The following DNAAF2 variants were observed in gnomAD, a reference collection of about 807,000 sequenced individuals.
DNAAF2 encodes dynein axonemal assembly factor 2, also known as protein kintoun.
Under a neutral mutation model 48.8 loss-of-function variants are expected in DNAAF2, and 58 were observed. The observed-to-expected ratio is 1.19, with a 90% CI of 0.96 to 1.48. The LOEUF (loss-of-function observed/expected upper bound fraction) is 1.48. Among genes scored for constraint, DNAAF2 ranks in the 40% most tolerant of loss-of-function variants. The pLI is 0.00. For missense variants in DNAAF2, 1,241 were observed against 1,116.1 expected (o/e 1.11, Z -1.59); for synonymous variants, 567 against 481.2 (o/e 1.18, Z -2.33).
In DNAAF2 at chr14:49,634,086, C is replaced by T. The variant is rs1297175432; in HGVS notation, c.1064G>A (p.Arg355Gln). The change falls in exon 1 of 3, where the codon CGG (arginine) becomes CAG (glutamine). Residue 355 changes from arginine to glutamine, a missense_variant. Transcript: ENST00000298292. ...GGCGGCGACGGCGACAGCGGGCTCC[C>T]GGCGCGCGGCCGGCAGCACCACTGG... Reference protein sequence around the residue: ...TLPVVLPAARREPAVAVAAAA... With the variant: ...TLPVVLPAARQEPAVAVAAAA... 3 of 1,540,054 alleles carry T rather than the reference C, an allele frequency of 1.9e-6. No homozygotes were observed. The highest frequency in any genetic ancestry group is 2.0e-5 in the Admixed American group (1 of 50,350).
In DNAAF2 at chr14:49,633,403, T is replaced by A. The variant is rs532320730; in HGVS notation, c.1747A>T (p.Thr583Ser). 3 of 1,614,068 alleles carry A rather than the reference T, an allele frequency of 1.9e-6. No individual in the cohort carries two copies. The African/African-American group carries it at 4.0e-5, about 22-fold the overall frequency. Residue 583 changes from threonine to serine, a missense_variant, in exon 1 of 3, where the codon ACA becomes TCA. Physicochemically the swap from Thr to Ser is moderately conservative, Grantham distance 58. Coordinates refer to ENST00000298292, the MANE Select transcript of DNAAF2 (RefSeq NM_018139.3). ...GAAGAAATGCTAATCACAGGTTCTG[T>A]GGTACTCAATTTATTCTCTGGAGCA... ...QFAPENKLSTTEPVISISSNN... is the reference protein window; with the variant it reads ...QFAPENKLSTSEPVISISSNN...
Position 49,634,359 on chromosome 14 carries a change from T to A in DNAAF2, c.791A>T (p.Asp264Val). The change falls in exon 1 of 3, where the codon GAC (aspartate) becomes GTC (valine). Residue 264 changes from aspartate to valine, a missense_variant. Transcript: ENST00000298292. Reference sequence around the variant, plus strand: ...CCTGGAGCAGCGGTAATCCTGGAGGTCCACGTGGTGGCGCTGCACCACGCT... The same window carrying A: ...CCTGGAGCAGCGGTAATCCTGGAGGACCACGTGGTGGCGCTGCACCACGCT... ...RYSVVQRHHV[D>V]LQDYRCSRDS... is the part of the protein sequence containing the mutation. 6.2e-7 allele frequency: 1 copy of A among 1,607,786 alleles called. No individual in the cohort carries two copies.
intron 1 of DNAAF2, among the ~76,000 whole-genome samples, chr14:49,628,861 A>T (rs1273032031): frequency 1.3e-5 from 2 of 152,262 alleles, no homozygotes; most frequent in Non-Finnish European, 2.9e-5. Context: ...GTGGCTAAGA[A>T]ATATACATGA....
At chr14:49,631,534 A>G (rs1227307723) in intron 1 of DNAAF2, among the ~76,000 whole-genome samples, 1 of 152,126 alleles carries the variant, frequency 6.6e-6, no homozygotes, top group South Asian at 2.1e-4. Flanking sequence ...CTGAGGCAGG[A>G]GAATGGCGTG....
intron 2 of DNAAF2, among the ~76,000 whole-genome samples, chr14:49,627,407 G>A (rs1883036316): frequency 6.6e-6 from 1 of 152,158 alleles, no homozygotes; most frequent in South Asian, 2.1e-4. Context: ...TAGTTCTCAT[G>A]GTTTGAGAGT....
intron 1 of DNAAF2, among the ~76,000 whole-genome samples, chr14:49,630,242 T>TAAATAAATAAAA (rs1883117964): frequency 6.6e-6 from 1 of 150,986 alleles, no homozygotes; most frequent in Non-Finnish European, 1.5e-5. Context: ...CCCAAATAAA[T>TAAATAAATAAAA]AAATAAATAA....
Position 49,632,361 on chromosome 14 carries a change from G to T in DNAAF2, c.1863+926C>A, listed in dbSNP as rs185553960. On this transcript the variant is annotated intron_variant, in intron 1 of 2. Transcript: ENST00000298292. ...GATACCCAACTCAAAAATTACACAT[G>T]TAACTTCCTAGCAAATTTCTAGAAA... Among the ~76,000 whole-genome samples, 27 of 152,126 alleles carry T rather than the reference G, an allele frequency of 1.8e-4. No individual in the cohort carries two copies. The East Asian group carries it at 5.0e-3, about 28-fold the overall frequency.
chr14:49,632,412 G>A (rs536581707), intron 1 of DNAAF2, among the ~76,000 whole-genome samples: 67 of 151,192 alleles, frequency 4.4e-4, no homozygotes, highest in African/African-American at 1.6e-3. Context: ...AAATTTTCTC[G>A]TAAGTTAAAG....
chr14:49,634,257 G>A lies in DNAAF2; in HGVS notation c.893C>T (p.Ala298Val), dbSNP rs1348700029. The A allele has an allele frequency of 3.1e-6, 5 of 1,612,244 alleles. No individual in the cohort carries two copies. The highest frequency in any genetic ancestry group is 3.3e-5 in the Admixed American group (2 of 60,026). ...CAGCTTTCTCGTTACCTCCAGCGCCGCCTGCTCGGCCGAGCGCAACAGCGG... is the reference window on the plus strand; with the variant it reads ...CAGCTTTCTCGTTACCTCCAGCGCCACCTGCTCGGCCGAGCGCAACAGCGG... ...ELPLLRSAEQ[A>V]ALEVTRKLLC... is the part of the protein sequence containing the mutation. The change falls in exon 1 of 3, where the codon GCG becomes GTG. Residue 298 changes from alanine to valine, a missense_variant. Transcript: ENST00000298292.
At chr14:49,626,799 C>CTTTTTTTTT (rs34085502) in intron 2 of DNAAF2, among the ~76,000 whole-genome samples, 17 of 63,406 alleles carry the variant, frequency 2.7e-4, no homozygotes, top group African/African-American at 2.8e-4. Flanking sequence ...TGCTGCCAGT[C>CTTTTTTTTT]TTTTTTTTTT....
chr14:49,633,329 A>G lies in DNAAF2; in HGVS notation c.1821T>C (p.His607=), dbSNP rs1883213868. Residue 607 remains histidine (H), a synonymous_variant, in exon 1 of 3, where the codon CAT becomes CAC. Coordinates refer to ENST00000298292, the MANE Select transcript of DNAAF2 (RefSeq NM_018139.3). ...TTACACCATAATACCACTCTCTCCA[A>G]TGTCCATGGCTCTCTGGAGATTTTG... ...ELAKSPESHG[H]WREWYYGVNN... The G allele has an allele frequency of 1.9e-6, 3 of 1,614,010 alleles. No homozygotes were observed. The highest frequency in any genetic ancestry group is 2.2e-5 in the South Asian group (2 of 91,084).
Position 49,634,872 on chromosome 14 carries a change from C to T in DNAAF2, c.278G>A (p.Cys93Tyr), listed in dbSNP as rs904534333. The T allele has an allele frequency of 7.7e-6, 12 of 1,548,498 alleles. No homozygotes were observed. Among genetic ancestry groups the T allele is most frequent in the African/African-American group, 4.1e-5 (3 of 73,052 alleles). The change falls in exon 1 of 3, where the codon TGC becomes TAC. Residue 93 changes from cysteine to tyrosine, a missense_variant. Transcript: ENST00000298292. ...DGARRCFVNV[C>Y]SNALVGAPSS... ...GGGCGCGCCCACCAACGCGTTGCTG[C>T]AGACATTCACAAAGCAGCGCCGCGC...
In DNAAF2 at chr14:49,625,179, G is replaced by T. The variant is rs1882966250; in HGVS notation, c.*363C>A. ...ACTTTGTGTGACAAACACAATTAGT[G>T]AATATTTTTAAATTTTATTAATGAC... On this transcript the variant is annotated 3_prime_UTR_variant, in exon 3 of 3. Coordinates refer to ENST00000298292, the MANE Select transcript of DNAAF2 (RefSeq NM_018139.3). 1 of 153,754 alleles carries T rather than the reference G, an allele frequency of 6.5e-6. No homozygotes were observed. Among genetic ancestry groups the T allele is most frequent in the South Asian group, 2.0e-4 (1 of 4,886 alleles). 9.5% of individuals were successfully genotyped at this position (153,754 alleles called of 1,614,324 possible). A position where few individuals can be genotyped will look rare whatever the true frequency, so the allele number is the denominator to read the frequency against.
chr14:49,628,222 C>T, intron 1 of DNAAF2, 67 bp from the exon 2 acceptor site: 3 of 1,321,390 alleles, frequency 2.3e-6, no homozygotes, highest in Non-Finnish European at 3.1e-6. Flanking sequence ...TATCTCAAAG[C>T]AGCTCACAAA....
intron 1 of DNAAF2, among the ~76,000 whole-genome samples, chr14:49,628,962 T>C (rs1254051007): frequency 6.6e-6 from 1 of 151,964 alleles, no homozygotes; most frequent in Non-Finnish European, 1.5e-5. Context: ...GGTGTGTTTT[T>C]TTGTTTGATT....
chr14:49,630,669 C>CCACACACACACACACA (rs71441237), intron 1 of DNAAF2, among the ~76,000 whole-genome samples: 3,907 of 132,404 alleles, frequency 0.03, 99 homozygotes, highest in Admixed American at 0.04. Flanking sequence ...AACTCTCTCT[C>CCACACACACACACACA]CACACACACA....
In DNAAF2 at chr14:49,634,667, G is replaced by A; in HGVS notation, c.483C>T (p.Arg161=). The A allele has an allele frequency of 6.2e-7, 1 of 1,606,666 alleles. No individual in the cohort carries two copies. The highest frequency in any genetic ancestry group is 1.7e-5 in the Admixed American group (1 of 60,012). The change falls in exon 1 of 3, where the codon CGC becomes CGT. Residue 161 remains arginine, a synonymous_variant. Transcript: ENST00000298292. ...LALARRHEGF[R]QMLDATALEA... ...CCAGGGCCGTGGCGTCCAGCATCTG[G>A]CGGAAGCCCTCGTGCCGCCGGGCCA...
chr14:49,634,430 G>T lies in DNAAF2; in HGVS notation c.720C>A (p.Ser240=). Residue 240 remains serine, a synonymous_variant, in exon 1 of 3, where the codon TCC becomes TCA. Transcript: ENST00000298292. ...CGGGCTGCAAGGCCGCTTCCGGAGG[G>T]GAGGGCGCCCGGGGCCCGGGGGCTG... The part of the protein sequence containing the change: ...YPAAPGPRAP[S]PPEAALQPAP... 1.3e-6 allele frequency: 2 copies of T among 1,565,498 alleles called. No homozygotes were observed. The highest frequency in any genetic ancestry group is 2.7e-5 in the African/African-American group (2 of 73,966).
rs1037450360 is a variant in DNAAF2, at chr14:49,627,713, G to A, written c.2007+299C>T. ...TACTAAAAATACAAAAAATTAGCCA[G>A]GCATGGTAGCATGCTCCTGTAGTCC... On this transcript the variant is annotated intron_variant, in intron 2 of 2. Coordinates refer to ENST00000298292, the MANE Select transcript of DNAAF2 (RefSeq NM_018139.3). 2.0e-5 allele frequency among the ~76,000 whole-genome samples: 3 copies of A among 151,974 alleles called. No homozygotes were observed. In the South Asian group the frequency reaches 6.2e-4, roughly 32 times the overall value.
Sources: gnomAD v4.1 joint callset for allele counts (sites outside exome capture counted in the v4.1 genomes callset) on GRCh38, gnomAD v4.1.1 for gene constraint, MANE v1.5 for transcripts, NCBI Gene and HGNC (gene_info 2026-07-23, HGNC 2026-07-21) for gene names.